Variants in CDH13 observed in about 807,000 individuals in gnomAD.
The protein encoded by CDH13 is cadherin-13.
Under a neutral mutation model 63.8 loss-of-function variants are expected in CDH13, and 24 were observed. The observed-to-expected ratio is 0.38, with a 90% confidence interval of 0.27 to 0.53. The LOEUF (loss-of-function observed/expected upper bound fraction) is 0.53. CDH13 is among the 20% of genes least tolerant of loss of function. CDH13 has a pLI of 0.85. For missense variants in CDH13, 1,049 were observed against 903.1 expected, an observed-to-expected ratio of 1.16 and a Z score of -2.07; for synonymous variants, 503 against 355.3, an observed-to-expected ratio of 1.42 and a Z score of -4.67.
At position 83,013,013 on chromosome 16, in the gene CDH13, A is replaced by C. The variant is rs986352977; in HGVS notation, c.158-18997A>C. On this transcript the variant is annotated intron_variant, in intron 2 of 13. Transcript: ENST00000567109. The stretch of plus-strand genomic sequence containing the variant: ...TCATGGAACTGATGGTGCAGAATAC[A>C]CTGTGGATGAGTTTACTTGCCTGAG... Among the ~76,000 whole-genome samples the C allele has an allele frequency of 2.9e-4, 44 of 152,340 alleles. 1 individual carries two copies. Among genetic ancestry groups the C allele is most frequent in the African/African-American group, 9.1e-4 (38 of 41,582 alleles).
At chr16:83,026,718 C>T (rs1915837975) in intron 2 of CDH13, among the ~76,000 whole-genome samples, 1 of 152,110 alleles carries the variant, frequency 6.6e-6, no homozygotes, top group African/African-American at 2.4e-5. Context: ...TTGTACAGTC[C>T]TTTGCATAGA....
chr16:82,628,017 C>T (rs935209614), intron 1 of CDH13, among the ~76,000 whole-genome samples: 1 of 152,228 alleles, frequency 6.6e-6, no homozygotes, highest in East Asian at 1.9e-4. Flanking sequence ...GGAGAGGGGG[C>T]GAGGGAGATG....
intron 2 of CDH13, among the ~76,000 whole-genome samples, chr16:82,982,002 GGAACAGGAAGTATA>G (rs1910327036): frequency 6.6e-6 from 1 of 152,114 alleles, no homozygotes; most frequent in Non-Finnish European, 1.5e-5. Flanking sequence ...GGACTATTCT[GGAACAGGAAGTATA>G]GCATTCTAAC....
chr16:83,745,287 G>A (rs907475962), intron 10 of CDH13, among the ~76,000 whole-genome samples: 1 of 152,182 alleles, frequency 6.6e-6, no homozygotes, highest in African/African-American at 2.4e-5. Context: ...CAGTTTGGGG[G>A]TCTGGTACAT....
At chr16:82,686,306 C>T (rs1368967066) in intron 1 of CDH13, among the ~76,000 whole-genome samples, 1 of 152,140 alleles carries the variant, frequency 6.6e-6, no homozygotes. Flanking sequence ...TCTTTGAATT[C>T]GTCTCCTCCT....
chr16:83,489,167 A>G (rs1385306767), intron 7 of CDH13, among the ~76,000 whole-genome samples: 1 of 152,210 alleles, frequency 6.6e-6, no homozygotes, highest in Non-Finnish European at 1.5e-5. Context: ...ATAAGTCTCT[A>G]TTTATAAATC....
intron 4 of CDH13, among the ~76,000 whole-genome samples, chr16:83,166,380 A>T (rs1480040664): frequency 1.3e-5 from 2 of 152,126 alleles, no homozygotes; most frequent in Non-Finnish European, 2.9e-5. Flanking sequence ...AGACAGGAAG[A>T]GTAATTGGGC....
At chr16:83,121,622 C>A (rs942383224) in intron 3 of CDH13, among the ~76,000 whole-genome samples, 1 of 152,170 alleles carries the variant, frequency 6.6e-6, no homozygotes, top group Non-Finnish European at 1.5e-5. Context: ...TACTAACAAA[C>A]CCAAATGTAA....
chr16:82,890,331 C>G (rs1014259492), intron 2 of CDH13, among the ~76,000 whole-genome samples: 3 of 152,300 alleles, frequency 2.0e-5, no homozygotes, highest in South Asian at 4.1e-4. Context: ...AGACCCAGCC[C>G]TTTCAGTAAG....
intron 4 of CDH13, among the ~76,000 whole-genome samples, chr16:83,140,200 C>G (rs1348739049): frequency 2.0e-5 from 3 of 152,222 alleles, no homozygotes; most frequent in African/African-American, 7.2e-5. Flanking sequence ...GCACTGCTGA[C>G]AAGCCCAGCT....
intron 3 of CDH13, among the ~76,000 whole-genome samples, chr16:83,072,796 C>A (rs2032534646): frequency 6.6e-6 from 1 of 152,162 alleles, no homozygotes; most frequent in South Asian, 2.1e-4. Context: ...GAATCCCAGA[C>A]CTTACCCCAG....
intron 5 of CDH13, among the ~76,000 whole-genome samples, chr16:83,306,683 C>G (rs2089887727): frequency 6.6e-6 from 1 of 152,102 alleles, no homozygotes; most frequent in South Asian, 2.1e-4. Flanking sequence ...AGCACAGAGT[C>G]CAAACTAGTG....
At chr16:83,480,265 G>A (rs2073727426) in intron 6 of CDH13, among the ~76,000 whole-genome samples, 1 of 152,186 alleles carries the variant, frequency 6.6e-6, no homozygotes, top group Non-Finnish European at 1.5e-5. Flanking sequence ...GCAGTGAGCT[G>A]TGATCATACC....
intron 1 of CDH13, among the ~76,000 whole-genome samples, chr16:82,749,057 C>T (rs933517629): frequency 6.6e-6 from 1 of 151,890 alleles, no homozygotes; most frequent in African/African-American, 2.4e-5. Context: ...AATATGAGTT[C>T]CAAAGACAAG....
chr16:82,866,708 G>C (rs1187119306), intron 2 of CDH13, among the ~76,000 whole-genome samples: 2 of 152,124 alleles, frequency 1.3e-5, no homozygotes, highest in African/African-American at 4.8e-5. Context: ...CATGCCTGGG[G>C]AGGCCTTAGA....
intron 1 of CDH13, among the ~76,000 whole-genome samples, chr16:82,749,790 C>A (rs10514557): frequency 2.6e-5 from 4 of 151,852 alleles, no homozygotes; most frequent in African/African-American, 7.3e-5. Context: ...GTTTCTTTGC[C>A]TCCCTCATTT....
At chr16:83,731,583 G>T (rs572791242) in intron 10 of CDH13, among the ~76,000 whole-genome samples, 48 of 152,300 alleles carry the variant, frequency 3.2e-4, no homozygotes, top group Non-Finnish European at 5.9e-4. Flanking sequence ...AGCATAATTT[G>T]TGAATATTTC....
At chr16:83,678,805 C>G (rs1915170498) in intron 10 of CDH13, among the ~76,000 whole-genome samples, 1 of 152,198 alleles carries the variant, frequency 6.6e-6, no homozygotes, top group Admixed American at 6.5e-5. Flanking sequence ...CAGAAACTTG[C>G]CTACTTTGTC....
At chr16:83,023,143 A>G (rs368398756) in intron 2 of CDH13, 4 of 152,196 alleles carry the variant, frequency 2.6e-5, no homozygotes, top group African/African-American at 7.2e-5. Context: ...TGCCATTTCA[A>G]TTGTGGTTTT....
Sources: allele counts gnomAD v4.1 joint callset (sites outside exome capture counted in the v4.1 genomes callset), GRCh38; gene constraint gnomAD v4.1.1; transcripts MANE v1.5; gene names NCBI Gene and HGNC (gene_info 2026-07-23, HGNC 2026-07-21).